The following ZNF639 variants were observed in gnomAD, a reference collection of about 807,000 sequenced individuals.
ZNF639 encodes zinc finger protein 639.
A neutral mutation model predicts 39.8 loss-of-function variants in ZNF639; 20 were observed. The ratio of observed to expected loss-of-function variants is 0.50; its 90% CI spans 0.35 to 0.73. The LOEUF (loss-of-function observed/expected upper bound fraction) is 0.73, where lower values mean the gene tolerates loss of function less well. ZNF639 is among the 30% of genes least tolerant of loss of function. ZNF639 has a pLI of 0.00. For missense variants in ZNF639, 477 were observed against 566.2 expected, an observed-to-expected ratio of 0.84 and a Z score of 1.60; for synonymous variants, 176 against 189.8, an observed-to-expected ratio of 0.93 and a Z score of 0.60.
Position 179,333,223 on chromosome 3 carries a change from A to C in ZNF639, c.305-46A>C, listed in dbSNP as rs1308770844. The stretch of plus-strand genomic sequence containing the variant: ...TTTTTTGCCCAGTTGTATTTAACAG[A>C]TCTTATTTAGTTATAGTCATATAAT... On this transcript the variant is annotated intron_variant, in intron 5 of 5. Coordinates refer to ENST00000496856, the MANE Select transcript of ZNF639 (RefSeq NM_001303426.2). The C allele has an allele frequency of 5.8e-6, 9 of 1,560,344 alleles. No homozygotes were observed. The Admixed American group carries it at 1.4e-4, about 25-fold the overall frequency.
In ZNF639 at chr3:179,333,850, G is replaced by A. The variant is rs761271239; in HGVS notation, c.886G>A (p.Val296Ile). The A allele has an allele frequency of 6.2e-7, 1 of 1,614,060 alleles. No homozygotes were observed. Among genetic ancestry groups the A allele is most frequent in the African/African-American group, 1.3e-5 (1 of 74,936 alleles). Residue 296 changes from valine (V) to isoleucine (I), a missense_variant, in exon 6 of 6, where the codon GTA becomes ATA. Transcript: ENST00000496856. ...DHLYWCEQCD[V>I]QFSSSSELYL... ...CCTCTATTGGTGTGAACAGTGTGATGTACAGTTCTCCTCAAGCAGTGAACT... is the reference window on the plus strand; with the variant it reads ...CCTCTATTGGTGTGAACAGTGTGATATACAGTTCTCCTCAAGCAGTGAACT...
At position 179,334,249 on chromosome 3, in the gene ZNF639, G is replaced by A. The variant is rs762187537; in HGVS notation, c.1285G>A (p.Gly429Arg). ...GCATTTAAATTCACATTTATCTGAA[G>A]GGATTTATTTATGTCAATATTGTGA... ...CKHLNSHLSE[G>R]IYLCQYCEYS... is the part of the protein sequence containing the mutation. Residue 429 changes from glycine to arginine, a missense_variant, in exon 6 of 6, where the codon GGG becomes AGG. Transcript: ENST00000496856. 6.2e-7 allele frequency: 1 copy of A among 1,612,434 alleles called. No homozygotes were observed. The highest frequency in any genetic ancestry group is 1.1e-5 in the South Asian group (1 of 90,650).
rs1395657297 is a variant in ZNF639 at position 179,336,245 on chromosome 3, C to CA, written c.*1825dup. On this transcript the variant is annotated 3_prime_UTR_variant, in exon 6 of 6. Coordinates refer to ENST00000496856, the MANE Select transcript of ZNF639 (RefSeq NM_001303426.2). ...CAACATATGAATTTGGGAGGGAACA[C>CA]AATTGAGTAGCAGAGTCTGAAACAG... is the stretch of plus-strand genomic sequence containing the variant. 1 of 152,144 alleles carries CA rather than the reference C, an allele frequency of 6.6e-6. No individual in the cohort carries two copies. The highest frequency in any genetic ancestry group is 2.4e-5 in the African/African-American group (1 of 41,416). 9.4% of individuals were successfully genotyped at this position (152,144 alleles called of 1,614,324 possible).
chr3:179,331,805 T>C (rs1727931748), intron 4 of ZNF639, among the ~76,000 whole-genome samples: 1 of 150,306 alleles, frequency 6.7e-6, no homozygotes, highest in African/African-American at 2.4e-5. Flanking sequence ...AAGACAACTT[T>C]ATAGTGTTGA....
rs1305679500 is a variant in ZNF639 at position 179,333,634 on chromosome 3, A to G, written c.670A>G (p.Ile224Val). The change falls in exon 6 of 6, where the codon ATC becomes GTC. Residue 224 changes from isoleucine to valine, a missense_variant. Physicochemically the swap from Ile to Val is conservative, Grantham distance 29. Coordinates refer to ENST00000496856, the MANE Select transcript of ZNF639 (RefSeq NM_001303426.2). ...TTTTTCTGACTTAAAGCAGCATATG[A>G]TCCTGAAGCATAAACGTACTGATTC... ...KYFSDLKQHM[I>V]LKHKRTDSNV... 6.2e-7 allele frequency: 1 copy of G among 1,614,168 alleles called. No individual in the cohort carries two copies. Among genetic ancestry groups the G allele is most frequent in the African/African-American group, 1.3e-5 (1 of 75,046 alleles).
In ZNF639 at chr3:179,323,257, G is replaced by C. The variant is rs561672296; in HGVS notation, c.-117G>C. Reference sequence around the variant, plus strand: ...CGCTCTCGGCCGCCGCCGCCTCTGCGTGGGCCGGCCGGGAGGGCCTCGGGG... The same window carrying C: ...CGCTCTCGGCCGCCGCCGCCTCTGCCTGGGCCGGCCGGGAGGGCCTCGGGG... On this transcript the variant is annotated 5_prime_UTR_variant, in exon 1 of 6. Transcript: ENST00000496856. 3 of 985,400 alleles carry C rather than the reference G, an allele frequency of 3.0e-6. No individual in the cohort carries two copies. In the South Asian group the frequency reaches 1.4e-4, roughly 46 times the overall value. The allele number at this position is 985,400 out of a possible 1,614,324, so 61.0% of individuals were successfully genotyped here.
Position 179,329,607 on chromosome 3 carries a change from TTTATG to T in ZNF639, c.59-8_59-4del. Reference sequence around the variant, plus strand: ...TTACTGTACTTGAAATATTTTTCATTTTATGTTCAGATTCCTCTGGAATAAGCAGA... The same window carrying T: ...TTACTGTACTTGAAATATTTTTCATTTTCAGATTCCTCTGGAATAAGCAGA... On this transcript the variant is annotated splice_polypyrimidine_tract_variant and splice_region_variant and intron_variant, in intron 3 of 5. Transcript: ENST00000496856. 1 of 1,526,814 alleles carries T rather than the reference TTTATG, an allele frequency of 6.5e-7. No individual in the cohort carries two copies. Among genetic ancestry groups the T allele is most frequent in the Non-Finnish European group, 9.0e-7 (1 of 1,108,194 alleles). 94.6% of individuals were successfully genotyped at this position (1,526,814 alleles called of 1,614,324 possible).
chr3:179,332,930 C>A lies in ZNF639; in HGVS notation c.170-59C>A, dbSNP rs150929800. On this transcript the variant is annotated intron_variant, in intron 4 of 5. Coordinates refer to ENST00000496856, the MANE Select transcript of ZNF639 (RefSeq NM_001303426.2). ...CATATTTAAAAATTGATGCTTTGTT[C>A]TATAATTAATGCTTTGATTGTATAA... 288 of 1,470,802 alleles carry A rather than the reference C, an allele frequency of 2.0e-4. 1 individual carries two copies. In the East Asian group the frequency reaches 6.2e-3, roughly 32 times the overall value. The allele number at this position is 1,470,802 out of a possible 1,614,324, so 91.1% of individuals were successfully genotyped here.
rs1353372995 is a variant in ZNF639, at chr3:179,334,377, T to G, written c.1413T>G (p.Asn471Lys). 1 of 1,584,658 alleles carries G rather than the reference T, an allele frequency of 6.3e-7. No homozygotes were observed. The highest frequency in any genetic ancestry group is 2.2e-5 in the East Asian group (1 of 44,466). Residue 471 changes from asparagine to lysine, a missense_variant, in exon 6 of 6, where the codon AAT becomes AAG. Physicochemically the swap from Asn to Lys is moderately conservative, Grantham distance 94 (BLOSUM62 0). Transcript: ENST00000496856. ...GTGACTGCTTGATGAGGTTTGGAAA[T>G]GAAAGGGAATTAATAAGTCACCTTC... ...KCSDCLMRFG[N>K]ERELISHLPV...
chr3:179,323,551 T>G (rs1025946977), intron 1 of ZNF639, among the ~76,000 whole-genome samples: 6 of 152,162 alleles, frequency 3.9e-5, no homozygotes, highest in African/African-American at 1.4e-4. Flanking sequence ...TGTCGGGGCT[T>G]GGAAGTCTCC....
Position 179,333,356 on chromosome 3 carries a change from A to G in ZNF639, c.392A>G (p.Glu131Gly). 1 of 1,614,130 alleles carries G rather than the reference A, an allele frequency of 6.2e-7. No individual in the cohort carries two copies. Among genetic ancestry groups the G allele is most frequent in the Non-Finnish European group, 8.5e-7 (1 of 1,180,006 alleles). The part of the protein sequence containing the change: ...NQQTQEESPI[E>G]VHTAEDVPIA... ...CAAACCCAAGAGGAGAGTCCTATAG[A>G]AGTTCACACTGCTGAAGATGTTCCA... The change falls in exon 6 of 6, where the codon GAA (glutamate) becomes GGA (glycine). Residue 131 changes from glutamate to glycine, a missense_variant. Transcript: ENST00000496856.
In ZNF639 at chr3:179,334,472, T is replaced by A; in HGVS notation, c.*50T>A. On this transcript the variant is annotated 3_prime_UTR_variant, in exon 6 of 6. Coordinates refer to ENST00000496856, the MANE Select transcript of ZNF639 (RefSeq NM_001303426.2). Reference sequence around the variant, plus strand: ...TTAGTTTAAAATAATAAATTCATCCTTTTTTTGGAGATGATTAAATGGATG... The same window carrying A: ...TTAGTTTAAAATAATAAATTCATCCATTTTTTGGAGATGATTAAATGGATG... 7.3e-7 allele frequency: 1 copy of A among 1,368,572 alleles called. No individual in the cohort carries two copies. Among genetic ancestry groups the A allele is most frequent in the Non-Finnish European group, 9.7e-7 (1 of 1,030,428 alleles). 84.8% of individuals were successfully genotyped at this position (1,368,572 alleles called of 1,614,324 possible). A position where few individuals can be genotyped will look rare whatever the true frequency, so the allele number is the denominator to read the frequency against.
chr3:179,333,670 C>G lies in ZNF639; in HGVS notation c.706C>G (p.Arg236Gly). 1 of 1,614,078 alleles carries G rather than the reference C, an allele frequency of 6.2e-7. No individual in the cohort carries two copies. The highest frequency in any genetic ancestry group is 1.1e-5 in the South Asian group (1 of 91,056). ...KHKRTDSNVC[R>G]VCKESFSTNM... ...TAAACGTACTGATTCAAATGTGTGT[C>G]GAGTATGCAAGGAAAGTTTCTCTAC... is the stretch of plus-strand genomic sequence containing the variant. The change falls in exon 6 of 6, where the codon CGA (arginine) becomes GGA (glycine). Residue 236 changes from arginine (R) to glycine (G), a missense_variant. Transcript: ENST00000496856.
Position 179,336,409 on chromosome 3 carries a change from G to A in ZNF639, c.*1987G>A, listed in dbSNP as rs1711528594. The A allele has an allele frequency of 6.6e-6, 1 of 152,220 alleles. No homozygotes were observed. The highest frequency in any genetic ancestry group is 1.5e-5 in the Non-Finnish European group (1 of 68,026). The allele number at this position is 152,220 out of a possible 1,614,324, so 9.4% of individuals were successfully genotyped here. On this transcript the variant is annotated 3_prime_UTR_variant, in exon 6 of 6. Coordinates refer to ENST00000496856, the MANE Select transcript of ZNF639 (RefSeq NM_001303426.2). ...TTTTCCCACTTCAAGAATTTAGTCTGTTTGGACAATGGTGGCTGCAAGTAT... is the reference window on the plus strand; with the variant it reads ...TTTTCCCACTTCAAGAATTTAGTCTATTTGGACAATGGTGGCTGCAAGTAT...
rs1037894613 is a variant in ZNF639, at chr3:179,329,762, A to G, written c.169+34A>G. On this transcript the variant is annotated intron_variant, in intron 4 of 5. Coordinates refer to ENST00000496856, the MANE Select transcript of ZNF639 (RefSeq NM_001303426.2). The stretch of plus-strand genomic sequence containing the variant: ...AATATTTTCGAAAATATGTTTCTTT[A>G]AACTGCTTTTACATTTTTTATTCCT... 3 of 1,192,442 alleles carry G rather than the reference A, an allele frequency of 2.5e-6. No homozygotes were observed. In the African/African-American group the frequency reaches 4.6e-5, roughly 18 times the overall value. The allele number at this position is 1,192,442 out of a possible 1,614,324, so 73.9% of individuals were successfully genotyped here. A position where few individuals can be genotyped will look rare whatever the true frequency, so the allele number is the denominator to read the frequency against.
intron 1 of ZNF639, chr3:179,325,060 T>G: frequency 6.6e-6 from 1 of 152,240 alleles, no homozygotes; most frequent in East Asian, 1.9e-4. Flanking sequence ...TCACTCCTGT[T>G]ACCCAGGCTG....
chr3:179,335,730 A>G lies in ZNF639; in HGVS notation c.*1308A>G, dbSNP rs182449313. The G allele has an allele frequency of 6.8e-6, 1 of 148,108 alleles. No homozygotes were observed. Among genetic ancestry groups the G allele is most frequent in the East Asian group, 2.0e-4 (1 of 5,036 alleles). The allele number at this position is 148,108 out of a possible 1,614,324, so 9.2% of individuals were successfully genotyped here. A position where few individuals can be genotyped will look rare whatever the true frequency, so the allele number is the denominator to read the frequency against. Reference sequence around the variant, plus strand: ...CTTGTAGATGGATAGCCTCATGTTCACATGGTGTTCTCCCTGTGTGCAAGT... The same window carrying G: ...CTTGTAGATGGATAGCCTCATGTTCGCATGGTGTTCTCCCTGTGTGCAAGT... On this transcript the variant is annotated 3_prime_UTR_variant, in exon 6 of 6. Transcript: ENST00000496856.
chr3:179,329,576 G>T (rs778486622), intron 3 of ZNF639, 42 bp from the exon 4 acceptor site: 4 of 1,119,584 alleles, frequency 3.6e-6, no homozygotes, highest in Non-Finnish European at 4.0e-6. Context: ...CATTAAATAT[G>T]TATGTTTACT....
chr3:179,331,097 G>A (rs1010377451), intron 4 of ZNF639, among the ~76,000 whole-genome samples: 1 of 152,168 alleles, frequency 6.6e-6, no homozygotes, highest in South Asian at 2.1e-4. Context: ...GGAGCATTTT[G>A]TAGTGCTGGA....
Sources: gnomAD v4.1 joint callset for allele counts (sites outside exome capture counted in the v4.1 genomes callset) on GRCh38, gnomAD v4.1.1 for gene constraint, MANE v1.5 for transcripts, NCBI Gene and HGNC (gene_info 2026-07-23, HGNC 2026-07-21) for gene names.